PAGE2B: variants seen among roughly 807,000 people sequenced by gnomAD.
PAGE2B encodes PAGE family member 2B, also known as putative G antigen family E member 3.
Under a neutral mutation model 7.6 loss-of-function variants are expected in PAGE2B, and 5 were observed. The ratio of observed to expected loss-of-function variants is 0.66; its 90% confidence interval spans 0.34 to 1.38. The LOEUF is 1.38. Among genes scored for constraint, PAGE2B ranks in the 40% most tolerant of loss-of-function variants. PAGE2B has a pLI of 0.04. For synonymous variants in PAGE2B, 29 were observed against 26.7 expected (o/e 1.09, Z -0.27); for missense variants, 70 against 78.4 (o/e 0.89, Z 0.41).
At chrX:55,076,705 AT>A (rs1167255508) in intron 3 of PAGE2B, 28 bp downstream of exon 3, 1 of 1,159,409 alleles carries the variant, frequency 8.6e-7, no homozygotes, top group African/African-American at 1.8e-5. Context: ...AATAATGCTT[AT>A]GGGTGGTGGA....
chrX:55,067,743 A>T, the PAGE2B span, among the ~76,000 whole-genome samples: 1 of 111,999 alleles, frequency 8.9e-6, no homozygotes, highest in Non-Finnish European at 1.9e-5. Flanking sequence ...AATGATCACC[A>T]TGCTAACTGG....
the PAGE2B span, among the ~76,000 whole-genome samples, chrX:55,039,282 A>G: frequency 1.1e-4 from 12 of 111,357 alleles, no homozygotes; most frequent in Admixed American, 3.9e-4. Context: ...GACCCAATTC[A>G]TATAATCAGC....
chrX:55,065,177 GTCTA>G, the PAGE2B span, among the ~76,000 whole-genome samples: 9 of 111,420 alleles, frequency 8.1e-5, no homozygotes, highest in African/African-American at 2.9e-4. Flanking sequence ...TTGTATTGTG[GTCTA>G]TCTCTTTCTT....
the PAGE2B span, among the ~76,000 whole-genome samples, chrX:55,048,833 C>T: frequency 9.0e-6 from 1 of 111,466 alleles, no homozygotes; most frequent in Non-Finnish European, 1.9e-5. Flanking sequence ...CCAGAACTTC[C>T]AACACTATGT....
At chrX:55,037,970 G>T in the PAGE2B span, among the ~76,000 whole-genome samples, 2 of 107,388 alleles carry the variant, frequency 1.9e-5, no homozygotes, top group Non-Finnish European at 3.9e-5. Flanking sequence ...GTTAATGGGT[G>T]CAGCACACCA....
chrX:55,067,352 C>A, the PAGE2B span, among the ~76,000 whole-genome samples: 2 of 111,126 alleles, frequency 1.8e-5, no homozygotes, highest in African/African-American at 6.6e-5. Flanking sequence ...TGGTTTTCAG[C>A]ATCATCAATG....
intron 2 of PAGE2B, 150 bp from the exon 3 acceptor site, chrX:55,076,419 C>T (rs778274975): frequency 1.3e-4 from 68 of 516,921 alleles, no homozygotes; most frequent in East Asian, 7.0e-4. Context: ...TATGTATATA[C>T]GTATGTATGT....
upstream of PAGE2B, among the ~76,000 whole-genome samples, chrX:55,071,558 T>G (rs938644052): frequency 1.8e-5 from 2 of 111,527 alleles, no homozygotes; most frequent in African/African-American, 6.5e-5. Flanking sequence ...AGTATCTTTG[T>G]GGTGTCCTCT....
chrX:55,056,529 G>A, the PAGE2B span, among the ~76,000 whole-genome samples: 1 of 111,103 alleles, frequency 9.0e-6, no homozygotes, highest in African/African-American at 3.3e-5. Flanking sequence ...CCCTTAAGAT[G>A]GGATAAGGGT....
At chrX:55,043,525 A>G in the PAGE2B span, among the ~76,000 whole-genome samples, 1 of 111,400 alleles carries the variant, frequency 9.0e-6, no homozygotes, top group Non-Finnish European at 1.9e-5. Context: ...AGTATTGTCC[A>G]TAAATAGAAA....
chrX:55,055,499 G>A, the PAGE2B span: 1 of 112,531 alleles, frequency 8.9e-6, no homozygotes, highest in African/African-American at 3.3e-5. Context: ...TGTGTTTCTT[G>A]TGTCATTGCA....
the PAGE2B span, among the ~76,000 whole-genome samples, chrX:55,037,051 G>T: frequency 2.7e-5 from 3 of 111,389 alleles, no homozygotes; most frequent in Non-Finnish European, 5.7e-5. Flanking sequence ...ACAGACAAAT[G>T]GGATCTAATT....
At chrX:55,070,949 C>G (rs1467933584), upstream of PAGE2B, among the ~76,000 whole-genome samples, 1 of 111,245 alleles carries the variant, frequency 9.0e-6, no homozygotes, top group Non-Finnish European at 1.9e-5. Context: ...GATGGGTCTC[C>G]TGAACACAGC....
chrX:55,034,435 A>G, the PAGE2B span, among the ~76,000 whole-genome samples: 1 of 111,449 alleles, frequency 9.0e-6, no homozygotes, highest in South Asian at 3.8e-4. Flanking sequence ...ACTTCTTCCC[A>G]TATCAATTTT....
chrX:55,054,177 C>G, the PAGE2B span, among the ~76,000 whole-genome samples: 1 of 110,503 alleles, frequency 9.0e-6, no homozygotes, highest in African/African-American at 3.3e-5. Flanking sequence ...CCACTGCACT[C>G]CAGCCTGGGC....
Sources: gnomAD v4.1 joint callset for allele counts (sites outside exome capture counted in the v4.1 genomes callset) on GRCh38, gnomAD v4.1.1 for gene constraint, MANE v1.5 for transcripts, NCBI Gene and HGNC (gene_info 2026-07-23, HGNC 2026-07-21) for gene names.